The following CACNA1C variants were observed in gnomAD, a reference collection of about 807,000 sequenced individuals.
The protein encoded by CACNA1C is calcium voltage-gated channel subunit alpha1 C, also known as voltage-dependent L-type calcium channel subunit alpha-1C.
In CACNA1C, 30 loss-of-function variants were observed where a neutral mutation model predicts 229.0. The observed-to-expected ratio is 0.13, with a 90% CI of 0.10 to 0.18. The LOEUF (loss-of-function observed/expected upper bound fraction) is 0.18. Ranked by LOEUF, CACNA1C falls within the 10% of genes least tolerant of loss-of-function variation. The pLI, the probability that CACNA1C is intolerant of heterozygous loss-of-function variation, is 1.00. For synonymous variants in CACNA1C, 1,114 were observed against 1,132.5 expected (o/e 0.98, Z 0.33); for missense variants, 1,658 against 2,845.0 (o/e 0.58, Z 9.49).
At chr12:2,185,951 C>T (rs2096986897) in intron 3 of CACNA1C, among the ~76,000 whole-genome samples, 1 of 151,688 alleles carries the variant, frequency 6.6e-6, no homozygotes, top group Admixed American at 6.5e-5. Flanking sequence ...GCCCAATGCA[C>T]ACTTGTAGCC....
upstream of CACNA1C, among the ~76,000 whole-genome samples, chr12:2,049,660 G>T (rs2051758797): frequency 6.6e-6 from 1 of 152,216 alleles, no homozygotes; most frequent in South Asian, 2.1e-4. Context: ...AAAGGCTCAT[G>T]CAAATATAAG....
intron 29 of CACNA1C, among the ~76,000 whole-genome samples, chr12:2,616,108 G>A (rs148008325): frequency 9.9e-5 from 15 of 152,270 alleles, no homozygotes; most frequent in African/African-American, 3.6e-4. Context: ...TCCAAGTCTC[G>A]GTCTCCCTTT....
rs184242825 is a variant in CACNA1C at position 2,584,347 on chromosome 12, G to A, written c.2225-156G>A. On this transcript the variant is annotated intron_variant, in intron 15 of 46. Coordinates refer to ENST00000399655, the MANE Select transcript of CACNA1C (RefSeq NM_000719.7). Reference sequence around the variant, plus strand: ...AGGGTGATGGGGAGGAAGGGGAGGGGAGGAACACTGTTGGGGTCTGACTCC... The same window carrying A: ...AGGGTGATGGGGAGGAAGGGGAGGGAAGGAACACTGTTGGGGTCTGACTCC... Among the ~76,000 whole-genome samples, 763 of 152,248 alleles carry A rather than the reference G, an allele frequency of 5.0e-3. 3 individuals are homozygous for A. The highest frequency in any genetic ancestry group is 7.2e-3 in the Non-Finnish European group (493 of 68,012).
intron 4 of CACNA1C, among the ~76,000 whole-genome samples, chr12:2,450,984 A>G (rs1471724489): frequency 6.6e-6 from 1 of 152,144 alleles, no homozygotes; most frequent in East Asian, 1.9e-4. Flanking sequence ...ATGGCTCATA[A>G]GGTTGCTTGG....
At chr12:2,057,240 G>A (rs908684174) in intron 1 of CACNA1C, among the ~76,000 whole-genome samples, 2 of 152,218 alleles carry the variant, frequency 1.3e-5, no homozygotes, top group Non-Finnish European at 1.5e-5. Context: ...AGATTTCGAG[G>A]CCCTGCTCAT....
chr12:2,409,228 TG>T (rs1199688457), intron 3 of CACNA1C, among the ~76,000 whole-genome samples: 1 of 152,192 alleles, frequency 6.6e-6, no homozygotes, highest in African/African-American at 2.4e-5. Flanking sequence ...GTAAAAGCAA[TG>T]GGCTTTGAAT....
intron 3 of CACNA1C, among the ~76,000 whole-genome samples, chr12:2,203,612 G>A (rs1366097120): frequency 6.6e-6 from 1 of 152,174 alleles, no homozygotes; most frequent in East Asian, 1.9e-4. Context: ...TACCTCCAGG[G>A]ATCCGCATTC....
chr12:2,475,305 AAAAAG>A (rs566882625), intron 5 of CACNA1C, among the ~76,000 whole-genome samples: 132 of 152,246 alleles, frequency 8.7e-4, no homozygotes, highest in African/African-American at 1.5e-3. Context: ...TCTCAAAAAA[AAAAAG>A]AAAAGAAAAG....
rs751493277 is a variant in CACNA1C at position 2,679,516 on chromosome 12, T to G, written c.5164T>G (p.Phe1722Val). 8 of 1,611,764 alleles carry G rather than the reference T, an allele frequency of 5.0e-6. No homozygotes were observed. The East Asian group carries it at 1.6e-4, about 31-fold the overall frequency. Reference protein sequence around the residue: ...SDGRSAFPQTFTTQRPLHINK... With the variant: ...SDGRSAFPQTVTTQRPLHINK... ...CGGCCGGAGCGCCTTCCCCCAGACC[T>G]TCACCACTCAGCGCCCGCTGCACAT... The change falls in exon 42 of 47, where the codon TTC becomes GTC. Residue 1722 changes from phenylalanine (F) to valine (V), a missense_variant. Physicochemically the swap from Phe to Val is conservative, Grantham distance 50 (BLOSUM62 -1). Coordinates refer to ENST00000399655, the MANE Select transcript of CACNA1C (RefSeq NM_000719.7). This position sits in a 1 kb window ranked among gnomAD's most constrained non-coding sequence, Gnocchi z 5.5.
At position 2,172,275 on chromosome 12, in the gene CACNA1C, C is replaced by T. The variant is rs75841459; in HGVS notation, c.477+51845C>T. Among the ~76,000 whole-genome samples, 207 of 152,290 alleles carry T rather than the reference C, an allele frequency of 1.4e-3. 4 individuals carry two copies. The East Asian group carries it at 0.032, about 23-fold the overall frequency. On this transcript the variant is annotated intron_variant, in intron 3 of 46. Coordinates refer to ENST00000399655, the MANE Select transcript of CACNA1C (RefSeq NM_000719.7). ...GAACCAAAGGCCTGCTCCTCTCTGC[C>T]GCTGGCTGTTTCTGCTAGTCTGAGC...
At chr12:2,106,505 T>C (rs2078699924) in intron 1 of CACNA1C, among the ~76,000 whole-genome samples, 1 of 96,166 alleles carries the variant, frequency 1.0e-5, no homozygotes. Flanking sequence ...GGTTTCCACC[T>C]CAGCTGGGTG....
chr12:2,141,768 A>G (rs902893615), intron 3 of CACNA1C, among the ~76,000 whole-genome samples: 1 of 151,248 alleles, frequency 6.6e-6, no homozygotes, highest in Non-Finnish European at 1.5e-5. Flanking sequence ...GTGGACACCC[A>G]GATTGCTGTA....
chr12:2,243,564 A>T (rs1002922723), intron 3 of CACNA1C, among the ~76,000 whole-genome samples: 2 of 152,244 alleles, frequency 1.3e-5, no homozygotes, highest in Non-Finnish European at 2.9e-5. Flanking sequence ...GAAATGACAT[A>T]GTGGAAATGG....
At chr12:2,197,600 C>T (rs1214859225) in intron 3 of CACNA1C, among the ~76,000 whole-genome samples, 3 of 152,190 alleles carry the variant, frequency 2.0e-5, no homozygotes, top group African/African-American at 4.8e-5. Flanking sequence ...AGTGCAAGTA[C>T]TAAAACTGCC....
intron 3 of CACNA1C, among the ~76,000 whole-genome samples, chr12:2,212,293 T>C (rs1307754828): frequency 1.3e-5 from 2 of 152,184 alleles, no homozygotes; most frequent in Non-Finnish European, 2.9e-5. Flanking sequence ...CAAAGGTAAG[T>C]GTGGTTGCAA....
chr12:2,525,278 T>G (rs1598890886), intron 9 of CACNA1C, among the ~76,000 whole-genome samples: 1 of 151,286 alleles, frequency 6.6e-6, no homozygotes, highest in South Asian at 2.1e-4. Flanking sequence ...GGAGTGGGGG[T>G]CAGTCAGAGG....
chr12:2,080,536 G>A (rs2065134409), intron 1 of CACNA1C, among the ~76,000 whole-genome samples: 1 of 151,678 alleles, frequency 6.6e-6, no homozygotes, highest in Non-Finnish European at 1.5e-5. Flanking sequence ...GGGAGGCGGA[G>A]CTTGCAGTGA....
In CACNA1C at chr12:2,630,201, G is replaced by C. The variant is rs1263888716; in HGVS notation, c.3829-4096G>C. On this transcript the variant is annotated intron_variant, in intron 29 of 46. Coordinates refer to ENST00000399655, the MANE Select transcript of CACNA1C (RefSeq NM_000719.7). The surrounding 1 kb of genome is among the most constrained non-coding windows in gnomAD (Gnocchi z 5.4). The stretch of plus-strand genomic sequence containing the variant: ...TGGGACACAGTCACCAGAGAAATAA[G>C]GGGCAACAGGTATAACCAGACTCCA... Among the ~76,000 whole-genome samples, 2 of 152,188 alleles carry C rather than the reference G, an allele frequency of 1.3e-5. No homozygotes were observed. The highest frequency in any genetic ancestry group is 1.3e-4 in the Admixed American group (2 of 15,280).
intron 4 of CACNA1C, among the ~76,000 whole-genome samples, chr12:2,451,056 G>A (rs1038637508): frequency 3.3e-5 from 5 of 152,048 alleles, no homozygotes; most frequent in Admixed American, 2.6e-4. Context: ...AATGAATGAC[G>A]CACTTTGGCC....
Sources: gnomAD v4.1 joint callset for allele counts (sites outside exome capture counted in the v4.1 genomes callset) on GRCh38, gnomAD v4.1.1 for gene constraint, Gnocchi (gnomAD v3.1) non-coding constraint, MANE v1.5 for transcripts, NCBI Gene and HGNC (gene_info 2026-07-23, HGNC 2026-07-21) for gene names.